Variants in DGKB observed in about 807,000 individuals in gnomAD.
The protein encoded by DGKB is diacylglycerol kinase beta.
A neutral mutation model predicts 114.3 loss-of-function variants in DGKB; 67 were observed. The observed-to-expected ratio is 0.59, with a 90% CI of 0.48 to 0.72. The LOEUF (loss-of-function observed/expected upper bound fraction) is 0.72. Among genes scored for constraint, DGKB ranks in the 30% least tolerant of loss-of-function variants. DGKB has a pLI of 0.00. For missense variants in DGKB, 907 were observed against 975.2 expected (o/e 0.93, Z 0.93); for synonymous variants, 398 against 323.1 (o/e 1.23, Z -2.49).
In DGKB at chr7:14,354,975, A is replaced by G. The variant is rs147254625; in HGVS notation, c.1836-9584T>C. 4.1e-3 allele frequency among the ~76,000 whole-genome samples: 620 copies of G among 152,294 alleles called. 4 individuals are homozygous for G. The highest frequency in any genetic ancestry group is 0.024 in the Middle Eastern group (7 of 294). Reference sequence around the variant, plus strand: ...TGGACTATGGATGATCACATAATCAAGGTAGTGCCCACTGGAAAACCCGAA... The same window carrying G: ...TGGACTATGGATGATCACATAATCAGGGTAGTGCCCACTGGAAAACCCGAA... On this transcript the variant is annotated intron_variant, in intron 21 of 25. Transcript: ENST00000402815.
intron 23 of DGKB, among the ~76,000 whole-genome samples, chr7:14,244,950 C>A (rs561643355): frequency 1.3e-5 from 2 of 152,086 alleles, no homozygotes; most frequent in African/African-American, 4.8e-5. Context: ...CCCAAATAGA[C>A]TAAGACAGTA....
intron 21 of DGKB, among the ~76,000 whole-genome samples, chr7:14,454,325 A>G (rs1448551804): frequency 2.6e-5 from 4 of 152,184 alleles, no homozygotes; most frequent in South Asian, 2.1e-4. Flanking sequence ...ACTTAATTCT[A>G]TGGTATTTCC....
At chr7:14,534,060 A>C (rs1016977695) in intron 20 of DGKB, among the ~76,000 whole-genome samples, 2 of 152,088 alleles carry the variant, frequency 1.3e-5, no homozygotes, top group Non-Finnish European at 2.9e-5. Flanking sequence ...AATACTAGTA[A>C]AAAATTAAGA....
At chr7:14,186,372 T>C (rs1407225018) in intron 23 of DGKB, among the ~76,000 whole-genome samples, 1 of 152,212 alleles carries the variant, frequency 6.6e-6, no homozygotes, top group Non-Finnish European at 1.5e-5. Flanking sequence ...AAACAGTAGA[T>C]GTTGGTGTGT....
At chr7:14,265,540 T>A (rs1797386140) in intron 23 of DGKB, among the ~76,000 whole-genome samples, 1 of 151,972 alleles carries the variant, frequency 6.6e-6, no homozygotes, top group African/African-American at 2.4e-5. Context: ...TGGTACTTCT[T>A]TTGGAAAACC....
chr7:14,428,162 CT>C (rs1293774349), intron 21 of DGKB, among the ~76,000 whole-genome samples: 1 of 151,788 alleles, frequency 6.6e-6, no homozygotes, highest in Admixed American at 6.6e-5. Flanking sequence ...TGTTTCATAA[CT>C]TTTTCTGTGA....
chr7:14,811,987 T>G (rs1843504267), intron 2 of DGKB, among the ~76,000 whole-genome samples: 1 of 152,122 alleles, frequency 6.6e-6, no homozygotes, highest in Non-Finnish European at 1.5e-5. Flanking sequence ...CCATTCTACC[T>G]GTGTTTCTGC....
At chr7:14,812,566 A>G (rs145677034) in intron 2 of DGKB, among the ~76,000 whole-genome samples, 76 of 152,318 alleles carry the variant, frequency 5.0e-4, no homozygotes, top group African/African-American at 1.7e-3. Flanking sequence ...ACCTGTAGAA[A>G]TATCAGCATA....
chr7:14,650,169 C>T (rs1317092385), intron 13 of DGKB, among the ~76,000 whole-genome samples: 28 of 133,688 alleles, frequency 2.1e-4, no homozygotes, highest in Middle Eastern at 4.2e-3. Flanking sequence ...ACAGAACTCT[C>T]CACCCCAAAT....
chr7:14,315,387 C>A (rs1056652435), intron 23 of DGKB, among the ~76,000 whole-genome samples: 1 of 149,374 alleles, frequency 6.7e-6, no homozygotes, highest in Admixed American at 6.7e-5. Context: ...TCAGGAAACC[C>A]ATCTCACGTG....
At position 14,684,068 on chromosome 7, in the gene DGKB, C is replaced by T. The variant is rs544815593; in HGVS notation, c.829+1177G>A. ...GTATAGGGAGAATGTTCTAGTGTAA[C>T]TAACATGTAACTAAACTTTCAAACG... On this transcript the variant is annotated intron_variant, in intron 10 of 25. Coordinates refer to ENST00000402815, the MANE Select transcript of DGKB (RefSeq NM_001350709.2). 5.9e-5 allele frequency among the ~76,000 whole-genome samples: 9 copies of T among 152,174 alleles called. No homozygotes were observed. In the East Asian group the frequency reaches 7.7e-4, roughly 13 times the overall value.
At chr7:14,482,006 T>A (rs1048858381) in intron 20 of DGKB, among the ~76,000 whole-genome samples, 11 of 151,992 alleles carry the variant, frequency 7.2e-5, no homozygotes, top group Non-Finnish European at 1.5e-4. Context: ...GGACTACATA[T>A]TGAAGTCTGT....
At chr7:14,557,090 T>C (rs1180264218) in intron 20 of DGKB, among the ~76,000 whole-genome samples, 2 of 152,114 alleles carry the variant, frequency 1.3e-5, no homozygotes, top group East Asian at 3.9e-4. Context: ...GTCCCCAATC[T>C]CAGACCTACC....
chr7:14,237,499 G>C (rs1452350123), intron 23 of DGKB, among the ~76,000 whole-genome samples: 1 of 151,744 alleles, frequency 6.6e-6, no homozygotes, highest in African/African-American at 2.4e-5. Flanking sequence ...CCACCAAATA[G>C]GCATTAATGT....
At chr7:14,505,773 A>T (rs1442600311) in intron 20 of DGKB, among the ~76,000 whole-genome samples, 2 of 152,204 alleles carry the variant, frequency 1.3e-5, no homozygotes, top group African/African-American at 4.8e-5. Context: ...AATGACGCTC[A>T]AACGCCAGTA....
chr7:14,339,943 A>C (rs1562967147), intron 22 of DGKB, among the ~76,000 whole-genome samples: 1 of 151,840 alleles, frequency 6.6e-6, no homozygotes, highest in Non-Finnish European at 1.5e-5. Context: ...ATGATGAAAA[A>C]CAAACAAAAC....
chr7:14,845,934 T>G (rs1353821601), intron 1 of DGKB, among the ~76,000 whole-genome samples: 1 of 152,164 alleles, frequency 6.6e-6, no homozygotes, highest in East Asian at 1.9e-4. Context: ...ACTAACTCCA[T>G]ATAAATAAGC....
intron 13 of DGKB, among the ~76,000 whole-genome samples, chr7:14,666,301 A>C (rs1273093261): frequency 6.6e-6 from 1 of 151,998 alleles, no homozygotes; most frequent in Admixed American, 6.6e-5. Context: ...CTGATGACAT[A>C]ATTGCTGAAG....
At chr7:14,670,267 T>C (rs1398287062) in intron 13 of DGKB, among the ~76,000 whole-genome samples, 2 of 150,258 alleles carry the variant, frequency 1.3e-5, no homozygotes, top group Non-Finnish European at 2.9e-5. Flanking sequence ...TCTTGGCAGA[T>C]TTTCAGTATG....
Sources: gnomAD v4.1 joint callset for allele counts (sites outside exome capture counted in the v4.1 genomes callset) on GRCh38, gnomAD v4.1.1 for gene constraint, MANE v1.5 for transcripts, NCBI Gene and HGNC (gene_info 2026-07-23, HGNC 2026-07-21) for gene names.